The following ITGB3BP variants were observed in gnomAD, a reference collection of about 807,000 sequenced individuals.
ITGB3BP encodes integrin subunit beta 3 binding protein, also known as centromere protein R.
Under a neutral mutation model 29.1 loss-of-function variants are expected in ITGB3BP, and 27 were observed. The observed-to-expected ratio is 0.93, with a 90% CI of 0.68 to 1.28. ITGB3BP has a LOEUF of 1.28. ITGB3BP is among the 50% of genes most tolerant of loss of function. ITGB3BP has a pLI of 0.00. For synonymous variants in ITGB3BP, 61 were observed against 61.4 expected (o/e 0.99, Z 0.03); for missense variants, 192 against 200.2 (o/e 0.96, Z 0.25).
Position 63,497,320 on chromosome 1 carries a change from A to C in ITGB3BP, c.49-7102T>G, listed in dbSNP as rs866974959. Among the ~76,000 whole-genome samples, 30 of 152,132 alleles carry C rather than the reference A, an allele frequency of 2.0e-4. 1 individual carries two copies. Among genetic ancestry groups the C allele is most frequent in the Non-Finnish European group, 8.8e-5 (6 of 68,022 alleles). The stretch of plus-strand genomic sequence containing the variant: ...ATCCCTATTCTAAAAAAATAAAATA[A>C]AACAAAAAATCCTTAACTTTTGAAC... On this transcript the variant is annotated intron_variant, in intron 2 of 8. Transcript: ENST00000271002.
chr1:63,450,764 A>G (rs1224192408), intron 7 of ITGB3BP, among the ~76,000 whole-genome samples: 1 of 151,956 alleles, frequency 6.6e-6, no homozygotes, highest in Non-Finnish European at 1.5e-5. Context: ...AAGTAACTGA[A>G]GAAAGAAAGA....
At chr1:63,522,004 T>TC (rs946465159) in intron 1 of ITGB3BP, among the ~76,000 whole-genome samples, 2 of 152,124 alleles carry the variant, frequency 1.3e-5, no homozygotes, top group African/African-American at 4.8e-5. Flanking sequence ...GGGAAACAAG[T>TC]CTCTTTGCTT....
intron 3 of ITGB3BP, among the ~76,000 whole-genome samples, chr1:63,485,922 T>G (rs1645519840): frequency 6.6e-6 from 1 of 152,070 alleles, no homozygotes; most frequent in African/African-American, 2.4e-5. Flanking sequence ...TACTTTACCC[T>G]GCCCAGACTT....
chr1:63,444,632 G>T (rs199745799), intron 8 of ITGB3BP, among the ~76,000 whole-genome samples: 3 of 105,452 alleles, frequency 2.8e-5, no homozygotes, highest in Non-Finnish European at 6.4e-5. Context: ...ACATATAGGA[G>T]ATATATATAT....
chr1:63,513,939 T>C (rs1232317433), intron 1 of ITGB3BP, among the ~76,000 whole-genome samples: 1 of 152,254 alleles, frequency 6.6e-6, no homozygotes, highest in East Asian at 1.9e-4. Flanking sequence ...AGTGTATAGA[T>C]GCGAGTTTTA....
intron 7 of ITGB3BP, chr1:63,447,202 G>T: frequency 3.8e-6 from 1 of 266,296 alleles, no homozygotes; most frequent in East Asian, 8.2e-5. Flanking sequence ...TGCCTTGTTT[G>T]TCAGTGTGTT....
chr1:63,528,875 G>C (rs1208694581), intron 2 of ITGB3BP, among the ~76,000 whole-genome samples: 1 of 151,926 alleles, frequency 6.6e-6, no homozygotes, highest in Non-Finnish European at 1.5e-5. Context: ...TTTGAACATT[G>C]TTTCCTTTAT....
chr1:63,494,641 TTAA>T (rs906008467), intron 2 of ITGB3BP, among the ~76,000 whole-genome samples: 1 of 152,184 alleles, frequency 6.6e-6, no homozygotes, highest in Non-Finnish European at 1.5e-5. Flanking sequence ...ATCTTTGAAA[TTAA>T]TAATATGCAA....
chr1:63,509,111 A>AT (rs1457474817), intron 1 of ITGB3BP, among the ~76,000 whole-genome samples: 3 of 152,200 alleles, frequency 2.0e-5, no homozygotes, highest in Non-Finnish European at 4.4e-5. Flanking sequence ...CTATGTCTTT[A>AT]TAAGTCCCCA....
chr1:63,508,194 C>T (rs529919473), intron 2 of ITGB3BP, among the ~76,000 whole-genome samples: 89 of 152,174 alleles, frequency 5.8e-4, no homozygotes, highest in African/African-American at 2.1e-3. Flanking sequence ...AAAAGTACTG[C>T]CATTGTCCCA....
intron 3 of ITGB3BP, among the ~76,000 whole-genome samples, chr1:63,485,528 C>A (rs1645511583): frequency 6.6e-6 from 1 of 151,692 alleles, no homozygotes; most frequent in African/African-American, 2.4e-5. Context: ...TTATAGTCAG[C>A]AAAACTTGTA....
intron 8 of ITGB3BP, among the ~76,000 whole-genome samples, chr1:63,441,762 G>A (rs755406823): frequency 6.6e-5 from 10 of 152,206 alleles, no homozygotes; most frequent in Non-Finnish European, 1.2e-4. Flanking sequence ...CCAAAAGACA[G>A]TATTTACTAT....
intron 7 of ITGB3BP, among the ~76,000 whole-genome samples, chr1:63,452,352 C>A (rs906168609): frequency 6.6e-6 from 1 of 152,136 alleles, no homozygotes; most frequent in African/African-American, 2.4e-5. Flanking sequence ...GGAAATCACA[C>A]TATTGGTGTA....
At chr1:63,486,062 T>A (rs1304624131) in intron 3 of ITGB3BP, among the ~76,000 whole-genome samples, 1 of 152,072 alleles carries the variant, frequency 6.6e-6, no homozygotes, top group African/African-American at 2.4e-5. Context: ...ATTTGGCAGA[T>A]GTTGGAGAGT....
intron 4 of ITGB3BP, among the ~76,000 whole-genome samples, chr1:63,465,625 G>A (rs7536405): frequency 0.93 from 141,866 of 151,962 alleles, 67,012 homozygotes; most frequent in East Asian, 1. Context: ...CCTGAACTCA[G>A]GTGATCTGCT....
At chr1:63,492,277 T>A (rs1024830057) in intron 2 of ITGB3BP, among the ~76,000 whole-genome samples, 1 of 151,982 alleles carries the variant, frequency 6.6e-6, no homozygotes, top group African/African-American at 2.4e-5. Flanking sequence ...ATTTTTTTGG[T>A]CATTTGTGTT....
rs1304523169 is a variant in ITGB3BP, at chr1:63,454,808, T to C, written c.333+82A>G. ...TTAAACATACTCTATGCAAACTCTTTCCTGGATTGGATTCTCCAATCTGGG... is the reference window on the plus strand; with the variant it reads ...TTAAACATACTCTATGCAAACTCTTCCCTGGATTGGATTCTCCAATCTGGG... On this transcript the variant is annotated intron_variant, in intron 5 of 8. Coordinates refer to ENST00000271002, the MANE Select transcript of ITGB3BP (RefSeq NM_014288.5). The surrounding 1 kb of genome is among the most constrained non-coding windows in gnomAD (Gnocchi z 4.1). The C allele has an allele frequency of 9.6e-6, 6 of 626,020 alleles. No homozygotes were observed. The highest frequency in any genetic ancestry group is 1.6e-5 in the Non-Finnish European group (6 of 367,062). 38.8% of individuals were successfully genotyped at this position (626,020 alleles called of 1,614,324 possible). A position where few individuals can be genotyped will look rare whatever the true frequency, so the allele number is the denominator to read the frequency against.
chr1:63,448,346 A>G (rs1644817556), intron 7 of ITGB3BP, among the ~76,000 whole-genome samples: 1 of 151,900 alleles, frequency 6.6e-6, no homozygotes, highest in African/African-American at 2.4e-5. Context: ...TAAAAAAAAA[A>G]AAGCAATCTA....
At position 63,478,781 on chromosome 1, in the gene ITGB3BP, T is replaced by C; in HGVS notation, c.237A>G (p.Thr79=). The C allele has an allele frequency of 6.9e-7, 1 of 1,459,764 alleles. No homozygotes were observed. Among genetic ancestry groups the C allele is most frequent in the Non-Finnish European group, 9.3e-7 (1 of 1,076,184 alleles). The allele number at this position is 1,459,764 out of a possible 1,614,324, so 90.4% of individuals were successfully genotyped here. The change falls in exon 4 of 9, where the codon ACA becomes ACG. Residue 79 remains threonine (T), a synonymous_variant. Transcript: ENST00000271002. Reference sequence around the variant, plus strand: ...AAACTTACTCATCATTGTCTTTTGTTGTAGATTCTTTGCTTTCAGTTAAAC... The same window carrying C: ...AAACTTACTCATCATTGTCTTTTGTCGTAGATTCTTTGCTTTCAGTTAAAC... The part of the protein sequence containing the change: ...HPSLTESKES[T]TKDNDEFMML...
Sources: allele counts gnomAD v4.1 joint callset (sites outside exome capture counted in the v4.1 genomes callset), GRCh38; gene constraint gnomAD v4.1.1; non-coding constraint Gnocchi (gnomAD v3.1); transcripts MANE v1.5; gene names NCBI Gene and HGNC (gene_info 2026-07-23, HGNC 2026-07-21).